PARM1: variants seen among roughly 807,000 people sequenced by gnomAD.
PARM1 encodes the protein WSC4, cell wall integrity and stress response component 4 homolog.
In PARM1, 14 loss-of-function variants were observed where a neutral mutation model predicts 24.6. The observed-to-expected ratio is 0.57, with a 90% CI of 0.38 to 0.89. The LOEUF is 0.89. Ranked by LOEUF, PARM1 falls within the 40% of genes least tolerant of loss-of-function variation. PARM1 has a pLI of 0.00. For missense variants in PARM1, 362 were observed against 380.4 expected (o/e 0.95, Z 0.40); for synonymous variants, 179 against 156.6 (o/e 1.14, Z -1.07).
At position 75,013,080 on chromosome 4, in the gene PARM1, C is replaced by T; in HGVS notation, c.699C>T (p.Leu233=). The change falls in exon 2 of 4, where the codon CTC becomes CTT. Residue 233 remains leucine, a synonymous_variant. Transcript: ENST00000307428. ...TGTCAGGCAAAGTGATGTGTGAGCT[C>T]ATAGACATGGAGACCACCACCACCT... The part of the protein sequence containing the change: ...TTVSGKVMCE[L]IDMETTTTFP... The T allele has an allele frequency of 1.9e-6, 3 of 1,613,972 alleles. No homozygotes were observed. The highest frequency in any genetic ancestry group is 2.5e-6 in the Non-Finnish European group (3 of 1,179,884).
intron 1 of PARM1, among the ~76,000 whole-genome samples, chr4:74,999,405 T>C (rs1722635870): frequency 6.6e-6 from 1 of 152,114 alleles, no homozygotes; most frequent in South Asian, 2.1e-4. Context: ...AGAGAAAACA[T>C]GACTATTCCG....
chr4:75,046,353 CTGTTT>C lies in PARM1; in HGVS notation c.*111_*115del. On this transcript the variant is annotated 3_prime_UTR_variant, in exon 4 of 4. Coordinates refer to ENST00000307428, the MANE Select transcript of PARM1 (RefSeq NM_015393.4). The stretch of plus-strand genomic sequence containing the variant: ...GCGCATTGAACGACAATCTTAAGCC[CTGTTT>C]TGTTGGTATGGTTGTTTTTGTTTTC... 1.4e-6 allele frequency: 1 copy of C among 726,990 alleles called. No homozygotes were observed. The highest frequency in any genetic ancestry group is 2.3e-6 in the Non-Finnish European group (1 of 427,010). The allele number at this position is 726,990 out of a possible 1,614,324, so 45.0% of individuals were successfully genotyped here.
chr4:75,012,902 C>G lies in PARM1; in HGVS notation c.521C>G (p.Thr174Ser). Residue 174 changes from threonine (T) to serine (S), a missense_variant, in exon 2 of 4, where the codon ACT (threonine) becomes AGT (serine). Coordinates refer to ENST00000307428, the MANE Select transcript of PARM1 (RefSeq NM_015393.4). ...CCTGAGGTCTTTTCTGCCTCCGTTA[C>G]TACCAACCATAGCTCCACTGTGACC... is the stretch of plus-strand genomic sequence containing the variant. ...SPPEVFSASV[T>S]TNHSSTVTST... 3 of 1,614,008 alleles carry G rather than the reference C, an allele frequency of 1.9e-6. No homozygotes were observed. The highest frequency in any genetic ancestry group is 2.5e-6 in the Non-Finnish European group (3 of 1,179,896).
At chr4:74,938,900 G>A (rs1454400626) in intron 1 of PARM1, among the ~76,000 whole-genome samples, 1 of 152,158 alleles carries the variant, frequency 6.6e-6, no homozygotes. Context: ...TTTCATTGGT[G>A]CAGGATGGTA....
intron 1 of PARM1, among the ~76,000 whole-genome samples, chr4:74,990,609 T>C (rs1378991481): frequency 6.6e-6 from 1 of 152,150 alleles, no homozygotes; most frequent in Non-Finnish European, 1.5e-5. Context: ...AAGTCATAAT[T>C]GCTACTGGCT....
chr4:75,044,235 G>C (rs1038125175), intron 3 of PARM1, among the ~76,000 whole-genome samples: 2 of 152,024 alleles, frequency 1.3e-5, no homozygotes, highest in Admixed American at 1.3e-4. Flanking sequence ...GTCATTTTTT[G>C]TACTGTATCT....
At chr4:74,935,054 GGGAGGAA>G (rs1721151179) in intron 1 of PARM1, among the ~76,000 whole-genome samples, 1 of 133,984 alleles carries the variant, frequency 7.5e-6, no homozygotes, top group Non-Finnish European at 1.5e-5. Context: ...CCGCTATTCC[GGGAGGAA>G]TATCACCCTT....
At chr4:74,992,115 T>G (rs7685441) in intron 1 of PARM1, among the ~76,000 whole-genome samples, 47,709 of 151,922 alleles carry the variant, frequency 0.31, 9,618 homozygotes, top group African/African-American at 0.57. Flanking sequence ...GAGTTTCCAT[T>G]CCCTCTCTGG....
intron 1 of PARM1, among the ~76,000 whole-genome samples, chr4:74,950,739 G>GT (rs148562816): frequency 7.2e-5 from 11 of 151,790 alleles, no homozygotes; most frequent in South Asian, 4.2e-4. Context: ...ATCACATCAA[G>GT]TTTTTTTTAT....
At chr4:74,950,022 C>T (rs1335341141) in intron 1 of PARM1, among the ~76,000 whole-genome samples, 1 of 152,018 alleles carries the variant, frequency 6.6e-6, no homozygotes, top group Non-Finnish European at 1.5e-5. Context: ...AGGAAGTGTG[C>T]CCTCCTGGGT....
chr4:74,963,859 A>T (rs1029087591), intron 1 of PARM1, among the ~76,000 whole-genome samples: 1 of 152,158 alleles, frequency 6.6e-6, no homozygotes, highest in African/African-American at 2.4e-5. Flanking sequence ...CGTGCCAAAA[A>T]ATAAAAATAA....
chr4:75,034,478 G>A (rs1387260522), intron 3 of PARM1, among the ~76,000 whole-genome samples: 2 of 152,148 alleles, frequency 1.3e-5, no homozygotes, highest in African/African-American at 4.8e-5. Flanking sequence ...TTTTTCTCCT[G>A]AGATTATGTC....
chr4:75,023,048 C>G (rs182077787), intron 2 of PARM1, among the ~76,000 whole-genome samples: 37 of 152,208 alleles, frequency 2.4e-4, no homozygotes, highest in African/African-American at 8.2e-4. Context: ...AGGGGTAGAC[C>G]AGAGGCTCAA....
chr4:74,934,453 A>G (rs1721134443), intron 1 of PARM1, among the ~76,000 whole-genome samples: 1 of 152,346 alleles, frequency 6.6e-6, no homozygotes, highest in African/African-American at 2.4e-5. Context: ...TCCCTTGAAA[A>G]GAAGCTAGCG....
intron 1 of PARM1, among the ~76,000 whole-genome samples, chr4:74,958,295 G>C (rs1056987576): frequency 2.0e-5 from 3 of 152,104 alleles, no homozygotes; most frequent in African/African-American, 7.2e-5. Context: ...AATAATTAAG[G>C]CACAGCCTTC....
chr4:74,974,499 A>T (rs1395444951), intron 1 of PARM1, among the ~76,000 whole-genome samples: 1 of 152,160 alleles, frequency 6.6e-6, no homozygotes, highest in South Asian at 2.1e-4. Flanking sequence ...AGGCCTGGAG[A>T]CATATAAGGC....
At chr4:75,034,002 T>A in intron 3 of PARM1, 41 bp downstream of exon 3, 1 of 1,492,870 alleles carries the variant, frequency 6.7e-7, no homozygotes, top group East Asian at 2.4e-5. Flanking sequence ...GATTCTGTTT[T>A]GTTGGGCTCT....
chr4:75,026,233 T>C (rs1723180804), intron 2 of PARM1, among the ~76,000 whole-genome samples: 1 of 152,190 alleles, frequency 6.6e-6, no homozygotes. Flanking sequence ...AGTTATTTTG[T>C]GAATCACTTA....
chr4:74,940,389 T>A (rs1036754594), intron 1 of PARM1, among the ~76,000 whole-genome samples: 6 of 152,208 alleles, frequency 3.9e-5, no homozygotes, highest in African/African-American at 1.4e-4. Context: ...ATTTATTTCT[T>A]ACAGTTCTAG....
Sources: allele counts gnomAD v4.1 joint callset (sites outside exome capture counted in the v4.1 genomes callset), GRCh38; gene constraint gnomAD v4.1.1; transcripts MANE v1.5; gene names NCBI Gene and HGNC (gene_info 2026-07-23, HGNC 2026-07-21).